Variants in TRAF3IP1 observed in about 807,000 individuals in gnomAD.
TRAF3IP1 encodes intraflagellar transport 54.
TRAF3IP1 carries 53 observed loss-of-function variants against 89.9 expected under a neutral mutation model. That is an observed-to-expected ratio of 0.59 (90% confidence interval 0.47 to 0.74). TRAF3IP1 has a LOEUF of 0.74. Ranked by LOEUF, TRAF3IP1 falls within the 30% of genes least tolerant of loss-of-function variation. TRAF3IP1 has a pLI of 0.00. For missense variants in TRAF3IP1, 806 were observed against 866.1 expected (o/e 0.93, Z 0.87); for synonymous variants, 311 against 322.1 (o/e 0.97, Z 0.37).
chr2:238,378,464 C>G (rs1351441432), intron 15 of TRAF3IP1, among the ~76,000 whole-genome samples: 2 of 152,232 alleles, frequency 1.3e-5, no homozygotes, highest in Non-Finnish European at 2.9e-5. Context: ...TATTAATAGA[C>G]TTCCTAATGT....
intron 15 of TRAF3IP1, among the ~76,000 whole-genome samples, chr2:238,361,557 C>A (rs928297870): frequency 1.3e-5 from 2 of 152,032 alleles, no homozygotes; most frequent in Non-Finnish European, 2.9e-5. Flanking sequence ...GTGTGGTAGC[C>A]AGCCAAGGCT....
intron 11 of TRAF3IP1, 32 bp from the exon 12 acceptor site, chr2:238,349,293 T>G: frequency 6.2e-7 from 1 of 1,605,160 alleles, no homozygotes. Flanking sequence ...CCTTTCATAC[T>G]CCTTTTTTGG....
At chr2:238,350,501 G>A (rs1476430145) in intron 12 of TRAF3IP1, among the ~76,000 whole-genome samples, 2 of 152,180 alleles carry the variant, frequency 1.3e-5, no homozygotes, top group Non-Finnish European at 2.9e-5. Context: ...TGAAGTCGCT[G>A]TGCACGAGAG....
At chr2:238,370,900 C>A (rs548394173) in intron 15 of TRAF3IP1, among the ~76,000 whole-genome samples, 1 of 152,298 alleles carries the variant, frequency 6.6e-6, no homozygotes, top group East Asian at 1.9e-4. Context: ...AGGGGAATTA[C>A]GGACATTTTT....
At chr2:238,354,825 T>C (rs1699336155) in intron 14 of TRAF3IP1, among the ~76,000 whole-genome samples, 1 of 151,996 alleles carries the variant, frequency 6.6e-6, no homozygotes. Flanking sequence ...TATTTTTTTG[T>C]ATTTTTAGTA....
intron 14 of TRAF3IP1, among the ~76,000 whole-genome samples, chr2:238,354,020 C>T (rs892964577): frequency 2.0e-5 from 3 of 152,184 alleles, no homozygotes; most frequent in Non-Finnish European, 1.5e-5. Flanking sequence ...GTGATCCACC[C>T]GCCTTGGCCT....
Position 238,352,955 on chromosome 2 carries a change from G to C in TRAF3IP1, c.1575+5G>C. 1 of 1,605,970 alleles carries C rather than the reference G, an allele frequency of 6.2e-7. No individual in the cohort carries two copies. Among genetic ancestry groups the C allele is most frequent in the Non-Finnish European group, 8.5e-7 (1 of 1,177,564 alleles). On this transcript the variant is annotated splice_donor_5th_base_variant and intron_variant, in intron 13 of 16. Coordinates refer to ENST00000373327, the MANE Select transcript of TRAF3IP1 (RefSeq NM_015650.4). ...GAAATGTCAGAAATTGAAATGGTTA[G>C]TTAACCGAAATATGATGTTTTTTAA...
rs1040065285 is a variant in TRAF3IP1 at position 238,320,561 on chromosome 2, G to GGGCGGCGGC, written c.-93_-85dup. ...CGGAGCGGCGCGTCCTGGCAGGACC[G>GGGCGGCGGC]GGCGGCGGCGGCGGCGGGGCCGGCG... is the stretch of plus-strand genomic sequence containing the variant. On this transcript the variant is annotated 5_prime_UTR_variant, in exon 1 of 17. Coordinates refer to ENST00000373327, the MANE Select transcript of TRAF3IP1 (RefSeq NM_015650.4). 1 of 1,023,298 alleles carries GGGCGGCGGC rather than the reference G, an allele frequency of 9.8e-7. No homozygotes were observed. Among genetic ancestry groups the GGGCGGCGGC allele is most frequent in the African/African-American group, 1.7e-5 (1 of 57,838 alleles). The allele number at this position is 1,023,298 out of a possible 1,614,324, so 63.4% of individuals were successfully genotyped here.
intron 1 of TRAF3IP1, among the ~76,000 whole-genome samples, chr2:238,323,469 C>G (rs1357729501): frequency 6.6e-6 from 1 of 152,190 alleles, no homozygotes; most frequent in Non-Finnish European, 1.5e-5. Flanking sequence ...GCAGGATGCT[C>G]TTAATATTCT....
intron 15 of TRAF3IP1, among the ~76,000 whole-genome samples, chr2:238,371,074 A>G (rs182950318): frequency 3.3e-4 from 50 of 152,344 alleles, no homozygotes; most frequent in African/African-American, 1.1e-3. Flanking sequence ...TTCTGAGTAA[A>G]ATGTGATAAG....
rs1490444334 is a variant in TRAF3IP1, at chr2:238,399,957, T to A, written c.*1038T>A. On this transcript the variant is annotated 3_prime_UTR_variant, in exon 17 of 17. Transcript: ENST00000373327. ...CTTAGCAGAGTCTTAAGTTACTGTA[T>A]AAAACATTTCATTGTGTTTGAAGAC... 2 of 152,242 alleles carry A rather than the reference T, an allele frequency of 1.3e-5. No individual in the cohort carries two copies. The highest frequency in any genetic ancestry group is 2.9e-5 in the Non-Finnish European group (2 of 68,044). 9.4% of individuals were successfully genotyped at this position (152,242 alleles called of 1,614,324 possible).
Position 238,329,724 on chromosome 2 carries a change from C to T in TRAF3IP1, c.915+382C>T, listed in dbSNP as rs138787012. ...ATGCCCAGTCTGATAGAGTGTCTGA[C>T]ACATAGCAGCTTTGCAGTAAATATT... On this transcript the variant is annotated intron_variant, in intron 5 of 16. Transcript: ENST00000373327. Among the ~76,000 whole-genome samples, 154 of 152,324 alleles carry T rather than the reference C, an allele frequency of 1.0e-3. 2 individuals are homozygous for T. Among genetic ancestry groups the T allele is most frequent in the African/African-American group, 3.5e-3 (145 of 41,566 alleles).
At chr2:238,378,716 A>G (rs1332280234) in intron 15 of TRAF3IP1, among the ~76,000 whole-genome samples, 1 of 152,134 alleles carries the variant, frequency 6.6e-6, no homozygotes, top group African/African-American at 2.4e-5. Flanking sequence ...GCCCTAGAAC[A>G]GTTTAAGTCT....
rs191188581 is a variant in TRAF3IP1, at chr2:238,359,098, G to A, written c.1689+3018G>A. ...ACTTTACAAAAACAAGGTCCAGGCT[G>A]TGGGCTATAGTTTACTGATTTCAGC... On this transcript the variant is annotated intron_variant, in intron 15 of 16. Coordinates refer to ENST00000373327, the MANE Select transcript of TRAF3IP1 (RefSeq NM_015650.4). Among the ~76,000 whole-genome samples the A allele has an allele frequency of 9.2e-5, 14 of 152,372 alleles. No individual in the cohort carries two copies. The East Asian group carries it at 1.7e-3, about 19-fold the overall frequency.
intron 15 of TRAF3IP1, among the ~76,000 whole-genome samples, chr2:238,381,944 G>A (rs926073536): frequency 5.9e-5 from 9 of 152,190 alleles, no homozygotes; most frequent in South Asian, 2.1e-4. Flanking sequence ...GAAGAGGAGC[G>A]CGCTGAGTCA....
At chr2:238,363,359 A>G (rs769079306) in intron 15 of TRAF3IP1, among the ~76,000 whole-genome samples, 2 of 152,222 alleles carry the variant, frequency 1.3e-5, no homozygotes, top group African/African-American at 2.4e-5. Flanking sequence ...TTCCTTGAAT[A>G]TTGAAAATTG....
At chr2:238,347,301 A>G (rs925586266) in intron 9 of TRAF3IP1, 154 bp from the exon 10 acceptor site, 5 of 724,122 alleles carry the variant, frequency 6.9e-6, no homozygotes, top group Non-Finnish European at 9.5e-6. Context: ...GGCAATAGGG[A>G]CATTAGAAAA....
At chr2:238,378,017 GTTTGTTTGTTTGTTT>G (rs1006918904) in intron 15 of TRAF3IP1, among the ~76,000 whole-genome samples, 12 of 150,964 alleles carry the variant, frequency 7.9e-5, no homozygotes, top group African/African-American at 2.9e-4. Flanking sequence ...TTTAGTTTTT[GTTTGTTTGTTTGTTT>G]TTTGTTTGTT....
At chr2:238,335,197 T>C (rs774125703) in intron 7 of TRAF3IP1, among the ~76,000 whole-genome samples, 13 of 152,276 alleles carry the variant, frequency 8.5e-5, no homozygotes, top group Non-Finnish European at 1.9e-4. Context: ...GCTTGAGGCC[T>C]CTAATCTTTT....
Sources: allele counts gnomAD v4.1 joint callset (sites outside exome capture counted in the v4.1 genomes callset), GRCh38; gene constraint gnomAD v4.1.1; transcripts MANE v1.5; gene names NCBI Gene and HGNC (gene_info 2026-07-23, HGNC 2026-07-21).